Variants in SDAD1 observed in about 807,000 individuals in gnomAD.
SDAD1 encodes SDA1 domain containing 1, also known as protein SDA1 homolog.
SDAD1 carries 79 observed loss-of-function variants against 100.3 expected under a neutral mutation model. The ratio of observed to expected loss-of-function variants is 0.79; its 90% CI spans 0.66 to 0.95. The LOEUF is 0.95. SDAD1 is among the 40% of genes least tolerant of loss of function. The pLI is 0.00. For synonymous variants in SDAD1, 267 were observed against 271.4 expected (o/e 0.98, Z 0.16); for missense variants, 790 against 810.9 (o/e 0.97, Z 0.31).
chr4:75,981,648 C>T lies in SDAD1; in HGVS notation c.196-178G>A, dbSNP rs1730522658. 8.3e-6 allele frequency: 9 copies of T among 1,087,264 alleles called. No homozygotes were observed. The South Asian group carries it at 1.3e-4, about 15-fold the overall frequency. The allele number at this position is 1,087,264 out of a possible 1,614,324, so 67.4% of individuals were successfully genotyped here. A position where few individuals can be genotyped will look rare whatever the true frequency, so the allele number is the denominator to read the frequency against. Reference sequence around the variant, plus strand: ...ATTTCTCCAACATTTATCATGGTTTCTCTAGTCTTAGTAATATTTATGGCA... The same window carrying T: ...ATTTCTCCAACATTTATCATGGTTTTTCTAGTCTTAGTAATATTTATGGCA... On this transcript the variant is annotated intron_variant, in intron 2 of 21. Coordinates refer to ENST00000356260, the MANE Select transcript of SDAD1 (RefSeq NM_018115.4).
chr4:75,952,929 T>C (rs1311794447), intron 21 of SDAD1, among the ~76,000 whole-genome samples: 4 of 152,246 alleles, frequency 2.6e-5, no homozygotes, highest in African/African-American at 7.2e-5. Context: ...TACAATTTCC[T>C]CTTTTTTTAC....
chr4:75,962,658 A>G (rs1314119473), intron 14 of SDAD1, among the ~76,000 whole-genome samples: 1 of 152,226 alleles, frequency 6.6e-6, no homozygotes, highest in Admixed American at 6.5e-5. Flanking sequence ...AGTGATGATA[A>G]GCATTTTTTA....
rs780221956 is a variant in SDAD1, at chr4:75,961,191, G to C, written c.1279+20C>G. The C allele has an allele frequency of 6.2e-7, 1 of 1,603,052 alleles. No homozygotes were observed. Among genetic ancestry groups the C allele is most frequent in the South Asian group, 1.1e-5 (1 of 90,862 alleles). ...GTCACACTGTACTCTTTGGTGTGTA[G>C]AGAGTAACATGCAGCTTACTCTTAT... is the stretch of plus-strand genomic sequence containing the variant. On this transcript the variant is annotated intron_variant, in intron 15 of 21. Coordinates refer to ENST00000356260, the MANE Select transcript of SDAD1 (RefSeq NM_018115.4).
chr4:75,965,327 T>C (rs575370942), intron 13 of SDAD1, among the ~76,000 whole-genome samples: 1 of 152,312 alleles, frequency 6.6e-6, no homozygotes, highest in Non-Finnish European at 1.5e-5. Context: ...AAACCCTGTC[T>C]CCTGATAAGA....
intron 21 of SDAD1, among the ~76,000 whole-genome samples, chr4:75,952,626 G>A (rs1427291404): frequency 1.3e-5 from 2 of 152,158 alleles, no homozygotes; most frequent in Admixed American, 6.5e-5. Flanking sequence ...AAAGGGTAGG[G>A]GGGTGTGTGA....
chr4:75,985,804 C>T (rs777887901), intron 1 of SDAD1, among the ~76,000 whole-genome samples: 1 of 152,104 alleles, frequency 6.6e-6, no homozygotes, highest in African/African-American at 2.4e-5. Context: ...AGGTATATTC[C>T]TCTCCAACCA....
intron 7 of SDAD1, 72 bp downstream of exon 7, chr4:75,974,004 G>T (rs1248899826): frequency 4.6e-6 from 6 of 1,303,352 alleles, no homozygotes; most frequent in Non-Finnish European, 5.6e-6. Flanking sequence ...GCTGAGTGAT[G>T]CTTTCTTCTA....
chr4:75,976,994 T>C (rs1730192463), intron 4 of SDAD1, among the ~76,000 whole-genome samples: 3 of 152,188 alleles, frequency 2.0e-5, no homozygotes, highest in South Asian at 4.1e-4. Flanking sequence ...TCTTGCTGTG[T>C]TGCCCAGGCT....
At chr4:75,969,982 G>C (rs1314345660) in intron 10 of SDAD1, among the ~76,000 whole-genome samples, 1 of 147,310 alleles carries the variant, frequency 6.8e-6, no homozygotes, top group East Asian at 2.0e-4. Context: ...GGTTTCCACA[G>C]ACTAGGTTTT....
intron 1 of SDAD1, among the ~76,000 whole-genome samples, chr4:75,987,153 G>A (rs1578153567): frequency 6.6e-6 from 1 of 152,010 alleles, no homozygotes; most frequent in South Asian, 2.1e-4. Context: ...TTTAAATTGA[G>A]ATATAATTCA....
At position 75,960,210 on chromosome 4, in the gene SDAD1, G is replaced by A. The variant is rs754813521; in HGVS notation, c.1357-18C>T. 8 of 1,553,760 alleles carry A rather than the reference G, an allele frequency of 5.1e-6. No individual in the cohort carries two copies. The highest frequency in any genetic ancestry group is 3.7e-5 in the South Asian group (3 of 81,676). On this transcript the variant is annotated intron_variant, in intron 16 of 21. Coordinates refer to ENST00000356260, the MANE Select transcript of SDAD1 (RefSeq NM_018115.4). ...GGCTTACCCTAAAGGAAAAGAAATTGTTTGTAATAAGTTGCTTAGATCATA... is the reference window on the plus strand; with the variant it reads ...GGCTTACCCTAAAGGAAAAGAAATTATTTGTAATAAGTTGCTTAGATCATA...
chr4:75,953,581 T>C (rs537735424), intron 21 of SDAD1, among the ~76,000 whole-genome samples: 1 of 152,346 alleles, frequency 6.6e-6, no homozygotes, highest in South Asian at 2.1e-4. Context: ...TTAAATGATG[T>C]TGTTGAACAC....
chr4:75,961,010 T>C lies in SDAD1; in HGVS notation c.1356+18A>G, dbSNP rs1273842425. 1 of 1,608,116 alleles carries C rather than the reference T, an allele frequency of 6.2e-7. No homozygotes were observed. The highest frequency in any genetic ancestry group is 2.2e-5 in the East Asian group (1 of 44,856). ...TGAGACCATAACCTTTAGACCAACA[T>C]AAGTGTGCTTTACCTACCCGGAATT... On this transcript the variant is annotated intron_variant, in intron 16 of 21. Transcript: ENST00000356260.
chr4:75,983,791 A>G (rs1730698432), intron 1 of SDAD1, among the ~76,000 whole-genome samples: 1 of 152,020 alleles, frequency 6.6e-6, no homozygotes, highest in African/African-American at 2.4e-5. Context: ...TCTTTAGTTT[A>G]ATTAGATCCC....
intron 20 of SDAD1, among the ~76,000 whole-genome samples, chr4:75,956,773 C>T (rs1474322338): frequency 6.6e-6 from 1 of 152,200 alleles, no homozygotes; most frequent in Non-Finnish European, 1.5e-5. Context: ...TGCTCTCTAC[C>T]TTGTTTTGAG....
At chr4:75,973,454 T>G (rs933950887) in intron 7 of SDAD1, 63 bp from the exon 8 acceptor site, 1 of 1,178,230 alleles carries the variant, frequency 8.5e-7, no homozygotes, top group Non-Finnish European at 1.3e-6. Context: ...ATAAATCCTT[T>G]TGAGTATGCT....
intron 20 of SDAD1, among the ~76,000 whole-genome samples, chr4:75,956,985 C>A (rs1728932892): frequency 6.6e-6 from 1 of 152,192 alleles, no homozygotes; most frequent in Non-Finnish European, 1.5e-5. Context: ...TAGCAGACAC[C>A]TGTTACCCCA....
intron 5 of SDAD1, 29 bp downstream of exon 5, chr4:75,975,895 G>C: frequency 6.3e-7 from 1 of 1,599,438 alleles, no homozygotes; most frequent in Non-Finnish European, 8.6e-7. Context: ...GTACAATGCT[G>C]CAAACATGGA....
At chr4:75,967,822 G>GGGTCCAACCACATGGAAGGAGTTA (rs6148526) in intron 11 of SDAD1, among the ~76,000 whole-genome samples, 35,228 of 151,680 alleles carry the variant, frequency 0.23, 4,786 homozygotes, top group East Asian at 0.5. Context: ...GGAAGGAGTT[G>GGGTCCAACCACATGGAAGGAGTTA]GGTCCAACCA....
Sources: allele counts gnomAD v4.1 joint callset (sites outside exome capture counted in the v4.1 genomes callset), GRCh38; gene constraint gnomAD v4.1.1; transcripts MANE v1.5; gene names NCBI Gene and HGNC (gene_info 2026-07-23, HGNC 2026-07-21).